Variants in PPIL2 observed in about 807,000 individuals in gnomAD.
PPIL2 encodes peptidylprolyl isomerase like 2, also known as RING-type E3 ubiquitin-protein ligase PPIL2.
Under a neutral mutation model 75.2 loss-of-function variants are expected in PPIL2, and 50 were observed. That is an observed-to-expected ratio of 0.66 (90% CI 0.53 to 0.84). PPIL2 has a LOEUF of 0.84. Ranked by LOEUF, PPIL2 falls within the 40% of genes least tolerant of loss-of-function variation. The pLI is 0.00. For synonymous variants in PPIL2, 245 were observed against 258.8 expected (o/e 0.95, Z 0.51); for missense variants, 590 against 685.0 (o/e 0.86, Z 1.55).
chr22:21,691,223 C>T (rs1345035071), intron 15 of PPIL2, among the ~76,000 whole-genome samples: 1 of 151,990 alleles, frequency 6.6e-6, no homozygotes, highest in Non-Finnish European at 1.5e-5. Context: ...AGATTACAGG[C>T]ATGAGCCACC....
At chr22:21,690,585 T>C (rs1262690804) in intron 15 of PPIL2, among the ~76,000 whole-genome samples, 1 of 152,162 alleles carries the variant, frequency 6.6e-6, no homozygotes. Context: ...AGTCCCTTAG[T>C]GGTCTTTGAA....
chr22:21,668,151 TA>T (rs1325180893), intron 1 of PPIL2, among the ~76,000 whole-genome samples: 1 of 119,526 alleles, frequency 8.4e-6, no homozygotes, highest in African/African-American at 2.5e-5. Flanking sequence ...CCCTGTAAAC[TA>T]AAAATAAAAC....
Position 21,696,780 on chromosome 22 carries a change from C to G in PPIL2, c.*1290C>G, listed in dbSNP as rs919741350. 7.1e-6 allele frequency: 11 copies of G among 1,547,114 alleles called. No homozygotes were observed. Among genetic ancestry groups the G allele is most frequent in the Non-Finnish European group, 9.6e-6 (11 of 1,147,164 alleles). On this transcript the variant is annotated 3_prime_UTR_variant, in exon 20 of 20. Transcript: ENST00000398831. ...AGGCTGTACCTCTGCCCTTCCTTTT[C>G]TCATCAATCACTGATGCTGAAGCTG...
At chr22:21,666,579 CG>C (rs778409175) in intron 1 of PPIL2, among the ~76,000 whole-genome samples, 128 of 152,252 alleles carry the variant, frequency 8.4e-4, no homozygotes, top group Non-Finnish European at 1.5e-3. Context: ...GAGGCCGAGG[CG>C]GGCGGATCAC....
In PPIL2 at chr22:21,688,194, C is replaced by T. The variant is rs1291675046; in HGVS notation, c.1021+88C>T. ...AGCTGGGCAGGGGTTGTGCACAGCTCAGACATGGAATCTGCTAGACCAGGG... is the reference window on the plus strand; with the variant it reads ...AGCTGGGCAGGGGTTGTGCACAGCTTAGACATGGAATCTGCTAGACCAGGG... On this transcript the variant is annotated intron_variant, in intron 14 of 19. Transcript: ENST00000398831. The T allele has an allele frequency of 2.4e-5, 36 of 1,523,930 alleles. No individual in the cohort carries two copies. In the Admixed American group the frequency reaches 3.4e-4, roughly 14 times the overall value. 94.4% of individuals were successfully genotyped at this position (1,523,930 alleles called of 1,614,324 possible).
chr22:21,690,389 A>G (rs2148563381), intron 15 of PPIL2, among the ~76,000 whole-genome samples: 2 of 152,004 alleles, frequency 1.3e-5, no homozygotes, highest in Middle Eastern at 6.8e-3. Flanking sequence ...CTGGAAAAAA[A>G]AAAAAAAATC....
intron 9 of PPIL2, among the ~76,000 whole-genome samples, chr22:21,684,468 A>G (rs952837806): frequency 3.4e-5 from 5 of 147,034 alleles, no homozygotes; most frequent in East Asian, 1.9e-4. Flanking sequence ...AAAAAAAAAA[A>G]AAAAAAAGAA....
At position 21,688,821 on chromosome 22, in the gene PPIL2, T is replaced by C; in HGVS notation, c.1111T>C (p.Ser371Pro). ...TGRGILSMAN[S>P]GPNSNRSQFF... Reference sequence around the variant, plus strand: ...CCGCGGCATCCTCAGCATGGCCAACTCCGGGCCCAACAGCAACAGGTCTCA... The same window carrying C: ...CCGCGGCATCCTCAGCATGGCCAACCCCGGGCCCAACAGCAACAGGTCTCA... The change falls in exon 15 of 20, where the codon TCC becomes CCC. Residue 371 changes from serine (S) to proline (P), a missense_variant. Physicochemically the swap from Ser to Pro is moderately conservative, Grantham distance 74. Coordinates refer to ENST00000398831, the MANE Select transcript of PPIL2 (RefSeq NM_014337.4). 1.2e-6 allele frequency: 2 copies of C among 1,614,114 alleles called. No homozygotes were observed. Among genetic ancestry groups the C allele is most frequent in the Non-Finnish European group, 1.7e-6 (2 of 1,179,980 alleles).
intron 3 of PPIL2, 104 bp from the exon 4 acceptor site, chr22:21,670,893 G>A (rs1238025264): frequency 8.6e-7 from 1 of 1,161,156 alleles, no homozygotes; most frequent in African/African-American, 1.5e-5. Context: ...CCCAGAGAGG[G>A]CTCCCTGGGA....
At chr22:21,671,908 C>T (rs1034423733) in intron 4 of PPIL2, among the ~76,000 whole-genome samples, 1 of 152,026 alleles carries the variant, frequency 6.6e-6, no homozygotes, top group Non-Finnish European at 1.5e-5. Context: ...AAAAATTAGC[C>T]AGCCATGGTG....
chr22:21,699,171 G>A (rs971108703), downstream of PPIL2: 2 of 150,132 alleles, frequency 1.3e-5, no homozygotes, highest in African/African-American at 5.1e-5. Flanking sequence ...GGTTTAGGAA[G>A]GGCTGAAGTC....
Position 21,695,560 on chromosome 22 carries a change from C to G in PPIL2, c.*70C>G. On this transcript the variant is annotated 3_prime_UTR_variant, in exon 20 of 20. Coordinates refer to ENST00000398831, the MANE Select transcript of PPIL2 (RefSeq NM_014337.4). ...GGGCCCATGTCCACATCTCCATTTC[C>G]AGCCTTTCTAGCCTGCCCTCTGCTG... 1 of 1,547,974 alleles carries G rather than the reference C, an allele frequency of 6.5e-7. No individual in the cohort carries two copies. The highest frequency in any genetic ancestry group is 1.2e-5 in the South Asian group (1 of 83,794).
chr22:21,674,980 T>G, intron 5 of PPIL2, 84 bp from the exon 6 acceptor site: 1 of 1,310,158 alleles, frequency 7.6e-7, no homozygotes. Flanking sequence ...AGTCAGAGAC[T>G]TTTCCTGCCT....
chr22:21,679,761 A>T lies in PPIL2; in HGVS notation c.296-1538A>T, dbSNP rs116070667. Reference sequence around the variant, plus strand: ...AGGCTCTAACTAATTTGAGGCTCTAACTTGGCCTCAAATCAGGATTTTTTT... The same window carrying T: ...AGGCTCTAACTAATTTGAGGCTCTATCTTGGCCTCAAATCAGGATTTTTTT... On this transcript the variant is annotated intron_variant, in intron 6 of 19. Transcript: ENST00000398831. Among the ~76,000 whole-genome samples, 591 of 151,836 alleles carry T rather than the reference A, an allele frequency of 3.9e-3. 3 individuals carry two copies. The highest frequency in any genetic ancestry group is 0.014 in the African/African-American group (576 of 41,462).
intron 15 of PPIL2, among the ~76,000 whole-genome samples, chr22:21,691,426 A>G (rs1204712233): frequency 6.6e-6 from 1 of 152,038 alleles, no homozygotes; most frequent in Non-Finnish European, 1.5e-5. Context: ...CATGCCTATA[A>G]TCCCAGCACT....
At position 21,669,622 on chromosome 22, in the gene PPIL2, C is replaced by T. The variant is rs138826715; in HGVS notation, c.33-291C>T. On this transcript the variant is annotated intron_variant, in intron 1 of 19. Coordinates refer to ENST00000398831, the MANE Select transcript of PPIL2 (RefSeq NM_014337.4). ...ATCAAGCAATTCTCTGCTTCAGCCT[C>T]CCGAGTAGCTGGGATTACAGGCACC... is the stretch of plus-strand genomic sequence containing the variant. 8.0e-3 allele frequency among the ~76,000 whole-genome samples: 1,220 copies of T among 152,242 alleles called. 24 individuals carry two copies. Among genetic ancestry groups the T allele is most frequent in the African/African-American group, 0.028 (1,167 of 41,518 alleles).
intron 6 of PPIL2, among the ~76,000 whole-genome samples, chr22:21,675,858 C>T (rs2066819126): frequency 6.6e-6 from 1 of 152,236 alleles, no homozygotes; most frequent in African/African-American, 2.4e-5. Context: ...TCATAGAGCC[C>T]AGCCCAGTGC....
Position 21,695,964 on chromosome 22 carries a change from G to A in PPIL2, c.*474G>A. On this transcript the variant is annotated 3_prime_UTR_variant, in exon 20 of 20. Transcript: ENST00000398831. ...AGCCTCGCAAGTAGCTGGGACTACA[G>A]CCGTGCACCACTACATCCAGCTGTA... The A allele has an allele frequency of 5.1e-6, 3 of 593,798 alleles. No individual in the cohort carries two copies. The highest frequency in any genetic ancestry group is 6.5e-6 in the Non-Finnish European group (3 of 458,506). The allele number at this position is 593,798 out of a possible 1,614,324, so 36.8% of individuals were successfully genotyped here. A position where few individuals can be genotyped will look rare whatever the true frequency, so the allele number is the denominator to read the frequency against.
At chr22:21,687,099 G>A in intron 12 of PPIL2, 101 bp downstream of exon 12, 1 of 1,167,980 alleles carries the variant, frequency 8.6e-7, no homozygotes. Flanking sequence ...TGTGCTTGTT[G>A]TAGGAAATTC....
Sources: allele counts gnomAD v4.1 joint callset (sites outside exome capture counted in the v4.1 genomes callset), GRCh38; gene constraint gnomAD v4.1.1; transcripts MANE v1.5; gene names NCBI Gene and HGNC (gene_info 2026-07-23, HGNC 2026-07-21).